Variants in LRMDA observed in about 807,000 individuals in gnomAD.
The protein encoded by LRMDA is leucine rich melanocyte differentiation associated.
In LRMDA, 18 loss-of-function variants were observed where a neutral mutation model predicts 29.8. That is an observed-to-expected ratio of 0.60 (90% CI 0.42 to 0.90). The LOEUF is 0.90. Among genes scored for constraint, LRMDA ranks in the 40% least tolerant of loss-of-function variants. The pLI is 0.00. For missense variants in LRMDA, 273 were observed against 273.9 expected (o/e 1.00, Z 0.02); for synonymous variants, 125 against 109.4 (o/e 1.14, Z -0.89).
At chr10:76,293,845 T>C (rs1319701768) in intron 5 of LRMDA, among the ~76,000 whole-genome samples, 2 of 152,236 alleles carry the variant, frequency 1.3e-5, no homozygotes, top group Non-Finnish European at 2.9e-5. Context: ...CTTAAATCTG[T>C]TTACTCTCTG....
At chr10:75,784,018 G>C (rs750555224) in intron 2 of LRMDA, among the ~76,000 whole-genome samples, 3 of 152,226 alleles carry the variant, frequency 2.0e-5, no homozygotes, top group South Asian at 2.1e-4. Flanking sequence ...AGGGAATGAG[G>C]TGGAAGGAAT....
At chr10:75,534,734 C>G (rs1839925412) in intron 2 of LRMDA, among the ~76,000 whole-genome samples, 1 of 152,150 alleles carries the variant, frequency 6.6e-6, no homozygotes, top group Non-Finnish European at 1.5e-5. Flanking sequence ...TGACTCAAAC[C>G]ACCAAATGGC....
intron 5 of LRMDA, among the ~76,000 whole-genome samples, chr10:76,277,152 G>A (rs773321332): frequency 1.3e-5 from 2 of 152,148 alleles, no homozygotes; most frequent in Non-Finnish European, 2.9e-5. Context: ...CTTCAGCCCA[G>A]AAATTTGAAA....
chr10:75,551,016 A>G (rs1840136009), intron 2 of LRMDA, among the ~76,000 whole-genome samples: 1 of 151,344 alleles, frequency 6.6e-6, no homozygotes, highest in South Asian at 2.1e-4. Flanking sequence ...CATTGGTACT[A>G]TCTTTTCTTT....
intron 2 of LRMDA, among the ~76,000 whole-genome samples, chr10:75,744,719 T>C (rs1035678354): frequency 6.6e-6 from 1 of 152,212 alleles, no homozygotes; most frequent in Non-Finnish European, 1.5e-5. Context: ...CTTTCTGTTA[T>C]GCTAGATGTT....
chr10:76,134,647 G>C (rs965642547), intron 5 of LRMDA, among the ~76,000 whole-genome samples: 1 of 152,002 alleles, frequency 6.6e-6, no homozygotes, highest in African/African-American at 2.4e-5. Flanking sequence ...GAAAGAAAGG[G>C]TACTGACAAA....
intron 2 of LRMDA, among the ~76,000 whole-genome samples, chr10:75,960,390 G>A (rs1846743579): frequency 7.6e-6 from 1 of 130,922 alleles, no homozygotes; most frequent in African/African-American, 2.5e-5. Context: ...ATGGCTGCAG[G>A]AAAGAAAAGA....
intron 5 of LRMDA, among the ~76,000 whole-genome samples, chr10:76,091,003 C>T (rs931386826): frequency 2.6e-5 from 4 of 152,124 alleles, no homozygotes; most frequent in Non-Finnish European, 5.9e-5. Context: ...GTGTATTTTA[C>T]CACATATAAT....
At chr10:76,093,382 C>CCT (rs1219912324) in intron 5 of LRMDA, among the ~76,000 whole-genome samples, 2 of 151,948 alleles carry the variant, frequency 1.3e-5, no homozygotes, top group African/African-American at 4.8e-5. Flanking sequence ...CCCCTCCTTA[C>CCT]CTTCATCAGT....
chr10:76,010,066 C>G (rs11001578), intron 2 of LRMDA, among the ~76,000 whole-genome samples: 19,635 of 152,158 alleles, frequency 0.13, 2,058 homozygotes, highest in African/African-American at 0.28. Flanking sequence ...TTCCCTCCCC[C>G]TGAAGGTGGC....
chr10:75,640,553 G>T (rs117680565), intron 2 of LRMDA, among the ~76,000 whole-genome samples: 2 of 152,146 alleles, frequency 1.3e-5, no homozygotes, highest in Non-Finnish European at 2.9e-5. Flanking sequence ...TATATATCAC[G>T]TGTAATCGAA....
At chr10:76,339,413 A>T (rs913417920) in intron 6 of LRMDA, among the ~76,000 whole-genome samples, 2 of 152,056 alleles carry the variant, frequency 1.3e-5, no homozygotes, top group African/African-American at 4.8e-5. Flanking sequence ...GTAGTATATT[A>T]AAAACTGTGG....
chr10:76,253,238 A>C (rs1017606372), intron 5 of LRMDA, among the ~76,000 whole-genome samples: 4 of 152,188 alleles, frequency 2.6e-5, no homozygotes, highest in African/African-American at 9.7e-5. Flanking sequence ...TTTATTCAAC[A>C]GTCTGGAGGC....
At chr10:76,417,052 A>G (rs1440296058) in intron 6 of LRMDA, among the ~76,000 whole-genome samples, 1 of 152,176 alleles carries the variant, frequency 6.6e-6, no homozygotes, top group Non-Finnish European at 1.5e-5. Flanking sequence ...ATGCAGGTTA[A>G]TTTTGGTAAC....
At position 75,791,531 on chromosome 10, in the gene LRMDA, T is replaced by C. The variant is rs141323134; in HGVS notation, c.132-244477T>C. On this transcript the variant is annotated intron_variant, in intron 2 of 6. Coordinates refer to ENST00000611255, the MANE Select transcript of LRMDA (RefSeq NM_001305581.2). ...CTATTAACAATTTAAAGCATAATTATGTGAGGGAGAAAAACTTTTAGGAAA... is the reference window on the plus strand; with the variant it reads ...CTATTAACAATTTAAAGCATAATTACGTGAGGGAGAAAAACTTTTAGGAAA... Among the ~76,000 whole-genome samples, 800 of 152,358 alleles carry C rather than the reference T, an allele frequency of 5.3e-3. 3 individuals are homozygous for C. The highest frequency in any genetic ancestry group is 0.016 in the South Asian group (79 of 4,832).
At chr10:76,422,497 A>C (rs1486755453) in intron 6 of LRMDA, among the ~76,000 whole-genome samples, 2 of 152,088 alleles carry the variant, frequency 1.3e-5, no homozygotes, top group Non-Finnish European at 2.9e-5. Flanking sequence ...TCCACATTAC[A>C]AAGACAGAAA....
At chr10:75,730,366 C>A (rs758839310) in intron 2 of LRMDA, among the ~76,000 whole-genome samples, 15 of 152,116 alleles carry the variant, frequency 9.9e-5, no homozygotes, top group Non-Finnish European at 2.2e-4. Context: ...ACGACCCCAC[C>A]ATTCACCTCT....
intron 6 of LRMDA, among the ~76,000 whole-genome samples, chr10:76,468,160 G>A (rs974846243): frequency 1.3e-5 from 2 of 152,074 alleles, no homozygotes; most frequent in African/African-American, 2.4e-5. Flanking sequence ...TAAATTACTC[G>A]CCTCTTATCT....
intron 2 of LRMDA, among the ~76,000 whole-genome samples, chr10:75,811,973 T>C (rs778177868): frequency 6.6e-5 from 10 of 152,326 alleles, no homozygotes; most frequent in Non-Finnish European, 1.3e-4. Context: ...TTGTGCCCGC[T>C]GTGATGCCCA....
Sources: allele counts gnomAD v4.1 joint callset (sites outside exome capture counted in the v4.1 genomes callset), GRCh38; gene constraint gnomAD v4.1.1; transcripts MANE v1.5; gene names NCBI Gene and HGNC (gene_info 2026-07-23, HGNC 2026-07-21).